The following EIF2AK4 variants were observed in gnomAD, a reference collection of about 807,000 sequenced individuals.
EIF2AK4 encodes the protein eukaryotic translation initiation factor 2 alpha kinase 4.
A neutral mutation model predicts 211.1 loss-of-function variants in EIF2AK4; 139 were observed. The ratio of observed to expected loss-of-function variants is 0.66; its 90% CI spans 0.57 to 0.76. The LOEUF is 0.76. Ranked by LOEUF, EIF2AK4 falls within the 30% of genes least tolerant of loss-of-function variation. The probability of loss-of-function intolerance (pLI) is 0.00; values close to 1 mark genes in which losing one functional copy is unlikely to be tolerated. For missense variants in EIF2AK4, 1,664 were observed against 2,043.8 expected (o/e 0.81, Z 3.58); for synonymous variants, 710 against 751.3 (o/e 0.94, Z 0.90).
At chr15:40,017,481 A>T (rs2035318332) in intron 29 of EIF2AK4, among the ~76,000 whole-genome samples, 1 of 127,162 alleles carries the variant, frequency 7.9e-6, no homozygotes, top group African/African-American at 3.0e-5. Context: ...GAGAGGGCTC[A>T]TGTACCCTTT....
At chr15:39,981,358 G>A (rs375102106) in intron 13 of EIF2AK4, among the ~76,000 whole-genome samples, 6 of 150,682 alleles carry the variant, frequency 4.0e-5, no homozygotes, top group African/African-American at 9.8e-5. Flanking sequence ...TGACAAGAGC[G>A]AAACTCTGTC....
chr15:40,003,167 G>A (rs1335806344), intron 22 of EIF2AK4, 26 bp from the exon 23 acceptor site: 6 of 1,611,832 alleles, frequency 3.7e-6, no homozygotes, highest in East Asian at 4.5e-5. Flanking sequence ...ACCTGATGAT[G>A]AGCTATTTTT....
chr15:40,030,350 TG>T lies in EIF2AK4; in HGVS notation c.4562-7del, dbSNP rs761556153. ...AAGGCCATAAATTCTGAAACTCTCT[TG>T]GTCTCAGGTTTGTTTGAAATCCATG... On this transcript the variant is annotated splice_polypyrimidine_tract_variant and splice_region_variant and intron_variant, in intron 34 of 38. Coordinates refer to ENST00000263791, the MANE Select transcript of EIF2AK4 (RefSeq NM_001013703.4). 4.2e-4 allele frequency: 685 copies of T among 1,613,188 alleles called. 1 individual carries two copies. Among genetic ancestry groups the T allele is most frequent in the Middle Eastern group, 2.0e-3 (12 of 6,084 alleles).
At chr15:39,956,438 T>C (rs752392078) in intron 6 of EIF2AK4, among the ~76,000 whole-genome samples, 1 of 152,214 alleles carries the variant, frequency 6.6e-6, no homozygotes, top group Non-Finnish European at 1.5e-5. Context: ...TGTTTCAGTC[T>C]ACAATGCCTT....
intron 13 of EIF2AK4, among the ~76,000 whole-genome samples, chr15:39,982,630 G>C (rs925669535): frequency 1.2e-5 from 1 of 86,090 alleles, no homozygotes; most frequent in African/African-American, 4.5e-5. Context: ...ATGTGCCATG[G>C]TGGTTGCTGC....
intron 19 of EIF2AK4, among the ~76,000 whole-genome samples, chr15:39,998,270 G>GTTTTTTTTTTTT (rs11435806): frequency 1.6e-5 from 2 of 125,396 alleles, no homozygotes; most frequent in Non-Finnish European, 1.6e-5. Flanking sequence ...TTTTTTTTTT[G>GTTTTTTTTTTTT]TTTTGTTTTT....
intron 18 of EIF2AK4, among the ~76,000 whole-genome samples, chr15:39,993,138 A>C (rs11070242): frequency 6.8e-6 from 1 of 147,670 alleles, no homozygotes; most frequent in Non-Finnish European, 1.5e-5. Context: ...CCACCCACCC[A>C]TCCATCCACC....
intron 4 of EIF2AK4, among the ~76,000 whole-genome samples, chr15:39,950,281 A>C (rs1218072926): frequency 6.6e-6 from 1 of 152,228 alleles, no homozygotes; most frequent in Non-Finnish European, 1.5e-5. Flanking sequence ...ATGTACTTGC[A>C]TGTAGGACAA....
At chr15:39,937,613 T>C (rs1407174443) in intron 1 of EIF2AK4, among the ~76,000 whole-genome samples, 3 of 152,222 alleles carry the variant, frequency 2.0e-5, no homozygotes, top group Non-Finnish European at 2.9e-5. Context: ...GTGGGTTTTT[T>C]TTCCCCCTCT....
intron 13 of EIF2AK4, among the ~76,000 whole-genome samples, chr15:39,982,880 T>G (rs2034812197): frequency 6.6e-6 from 1 of 151,742 alleles, no homozygotes; most frequent in African/African-American, 2.4e-5. Flanking sequence ...GAACTTGTTC[T>G]TTTTTTATGG....
chr15:39,998,927 C>T (rs2035057521), intron 20 of EIF2AK4, 143 bp downstream of exon 20: 1 of 679,860 alleles, frequency 1.5e-6, no homozygotes. Flanking sequence ...AAAGATGAAG[C>T]ACTTAAAATG....
intron 3 of EIF2AK4, 82 bp downstream of exon 3, chr15:39,943,567 T>C: frequency 1.9e-6 from 2 of 1,056,054 alleles, no homozygotes; most frequent in Non-Finnish European, 2.8e-6. Flanking sequence ...TAGCATGTTT[T>C]GTGTTTTATT....
chr15:39,971,911 T>A (rs1459178563), intron 9 of EIF2AK4, among the ~76,000 whole-genome samples: 1 of 152,122 alleles, frequency 6.6e-6, no homozygotes, highest in Non-Finnish European at 1.5e-5. Context: ...TCTAACATTT[T>A]TTAGGGGATA....
intron 25 of EIF2AK4, among the ~76,000 whole-genome samples, chr15:40,008,566 C>G (rs1244656433): frequency 6.6e-6 from 1 of 152,120 alleles, no homozygotes; most frequent in African/African-American, 2.4e-5. Flanking sequence ...TGCATGCTGC[C>G]TAGCTGGTGG....
intron 6 of EIF2AK4, among the ~76,000 whole-genome samples, chr15:39,956,046 C>T (rs931352835): frequency 1.3e-5 from 2 of 149,504 alleles, no homozygotes; most frequent in Admixed American, 1.3e-4. Flanking sequence ...CGCTCTGTCA[C>T]CCAGGCTGCA....
intron 13 of EIF2AK4, among the ~76,000 whole-genome samples, chr15:39,983,819 A>G (rs1028778936): frequency 6.6e-6 from 1 of 152,140 alleles, no homozygotes; most frequent in Admixed American, 6.5e-5. Context: ...CACTCTAATG[A>G]TAGTTTCTTT....
intron 3 of EIF2AK4, 56 bp from the exon 4 acceptor site, chr15:39,949,060 G>A (rs777631234): frequency 2.6e-5 from 41 of 1,594,956 alleles, no homozygotes; most frequent in Non-Finnish European, 3.3e-5. Flanking sequence ...AGCCTCTCCT[G>A]TTTGGGCCTT....
In EIF2AK4 at chr15:39,965,768, C is replaced by G; in HGVS notation, c.942C>G (p.Val314=). 2 of 1,614,064 alleles carry G rather than the reference C, an allele frequency of 1.2e-6. No individual in the cohort carries two copies. The highest frequency in any genetic ancestry group is 1.7e-6 in the Non-Finnish European group (2 of 1,179,968). Residue 314 remains valine (V), a synonymous_variant, in exon 8 of 39, where the codon GTC becomes GTG. Coordinates refer to ENST00000263791, the MANE Select transcript of EIF2AK4 (RefSeq NM_001013703.4). The part of the protein sequence containing the change: ...TGGFVLLYEW[V]LQWQKKMGPF... ...GCTTTGTCTTGTTGTATGAGTGGGT[C>G]CTTCAGTGGCAGAAAAAAATGGGTC...
At chr15:40,006,988 G>T in intron 23 of EIF2AK4, 28 bp from the exon 24 acceptor site, 1 of 1,544,412 alleles carries the variant, frequency 6.5e-7, no homozygotes, top group South Asian at 1.1e-5. Context: ...TTTTGACATT[G>T]ACCTTTCATA....
Sources: allele counts gnomAD v4.1 joint callset (sites outside exome capture counted in the v4.1 genomes callset), GRCh38; gene constraint gnomAD v4.1.1; transcripts MANE v1.5; gene names NCBI Gene and HGNC (gene_info 2026-07-23, HGNC 2026-07-21).